The following UGT1A5 variants were observed in gnomAD, a reference collection of about 807,000 sequenced individuals.
UGT1A5 encodes the protein UDP glucuronosyltransferase family 1 member A5.
In UGT1A5, 29 loss-of-function variants were observed where a neutral mutation model predicts 40.3. The observed-to-expected ratio is 0.72, with a 90% CI of 0.54 to 0.98. UGT1A5 has a LOEUF of 0.98. Ranked by LOEUF, UGT1A5 falls within the 50% of genes least tolerant of loss-of-function variation. The pLI is 0.00. For synonymous variants in UGT1A5, 257 were observed against 262.5 expected (o/e 0.98, Z 0.20); for missense variants, 678 against 677.9 (o/e 1.00, Z 0.00).
In UGT1A5 at chr2:233,756,140, C is replaced by T. The variant is rs565288729; in HGVS notation, c.868-10894C>T. 16 of 152,332 alleles carry T rather than the reference C, an allele frequency of 1.1e-4. No homozygotes were observed. The East Asian group carries it at 1.3e-3, about 13-fold the overall frequency. 9.4% of individuals were successfully genotyped at this position (152,332 alleles called of 1,614,324 possible). On this transcript the variant is annotated intron_variant, in intron 1 of 4. Coordinates refer to ENST00000373414, the MANE Select transcript of UGT1A5 (RefSeq NM_019078.2). ...TTTGTAAAATTCTCCTGAAAAATTA[C>T]TGGGGATCCCTAGGATTTCCTGGCT...
rs34642976 is a variant in UGT1A5 at position 233,765,194 on chromosome 2, T to A, written c.868-1840T>A. Among the ~76,000 whole-genome samples, 4 of 152,300 alleles carry A rather than the reference T, an allele frequency of 2.6e-5. No homozygotes were observed. The East Asian group carries it at 7.7e-4, about 29-fold the overall frequency. On this transcript the variant is annotated intron_variant, in intron 1 of 4. Transcript: ENST00000373414. ...CAAGCCCTGCCACATCACACAATCA[T>A]ATTAGTGCCCTCAGTATTCTTTGCA...
At chr2:233,759,343 G>A (rs548174363) in intron 1 of UGT1A5, among the ~76,000 whole-genome samples, 89 of 152,214 alleles carry the variant, frequency 5.8e-4, no homozygotes, top group Non-Finnish European at 1.2e-3. Context: ...TCAGGTGAGC[G>A]CTGAAAATCT....
At chr2:233,729,598 G>C (rs775320084) in intron 1 of UGT1A5, 2 of 1,613,984 alleles carry the variant, frequency 1.2e-6, no homozygotes, top group South Asian at 2.2e-5. Flanking sequence ...TAACCTCTGC[G>C]CGGCAGTGCT....
chr2:233,728,446 A>G (rs1222950362), intron 1 of UGT1A5, among the ~76,000 whole-genome samples: 1 of 152,128 alleles, frequency 6.6e-6, no homozygotes, highest in African/African-American at 2.4e-5. Context: ...TATATGGAGA[A>G]TCCTCAACAA....
At position 233,729,401 on chromosome 2, in the gene UGT1A5, A is replaced by T. The variant is rs1464724125; in HGVS notation, c.867+15543A>T. Reference sequence around the variant, plus strand: ...TGGACCCAGGATGAATTTGATCGCCATGTGCTGGGCCACACTCAACTGTAC... The same window carrying T: ...TGGACCCAGGATGAATTTGATCGCCTTGTGCTGGGCCACACTCAACTGTAC... On this transcript the variant is annotated intron_variant, in intron 1 of 4. Coordinates refer to ENST00000373414, the MANE Select transcript of UGT1A5 (RefSeq NM_019078.2). 4.3e-6 allele frequency: 7 copies of T among 1,613,850 alleles called. No individual in the cohort carries two copies. Among genetic ancestry groups the T allele is most frequent in the East Asian group, 2.2e-5 (1 of 44,882 alleles).
chr2:233,754,737 G>A lies in UGT1A5; in HGVS notation c.868-12297G>A, dbSNP rs1218911837. 3 of 665,250 alleles carry A rather than the reference G, an allele frequency of 4.5e-6. No homozygotes were observed. In the East Asian group the frequency reaches 2.0e-4, roughly 44 times the overall value. The allele number at this position is 665,250 out of a possible 1,614,324, so 41.2% of individuals were successfully genotyped here. A position where few individuals can be genotyped will look rare whatever the true frequency, so the allele number is the denominator to read the frequency against. On this transcript the variant is annotated intron_variant, in intron 1 of 4. Transcript: ENST00000373414. Reference sequence around the variant, plus strand: ...GCTGCCTGTCCCATCACTACCGTAGGACATGCAGAAGGAAGAAAGGCCCCC... The same window carrying A: ...GCTGCCTGTCCCATCACTACCGTAGAACATGCAGAAGGAAGAAAGGCCCCC...
rs751408172 is a variant in UGT1A5, at chr2:233,768,227, G to C, written c.1095G>C (p.Pro365=). Residue 365 remains proline, a synonymous_variant, in exon 4 of 5, where the codon CCG becomes CCC. Coordinates refer to ENST00000373414, the MANE Select transcript of UGT1A5 (RefSeq NM_019078.2). ...CCCTATTTTGCATCTCAGGTCACCCGATGACCCGTGCCTTTATCACCCATG... is the reference window on the plus strand; with the variant it reads ...CCCTATTTTGCATCTCAGGTCACCCCATGACCCGTGCCTTTATCACCCATG... ...WLPQNDLLGH[P]MTRAFITHAG... The C allele has an allele frequency of 5.0e-6, 8 of 1,614,014 alleles. No homozygotes were observed. The African/African-American group carries it at 8.0e-5, about 16-fold the overall frequency.
intron 1 of UGT1A5, among the ~76,000 whole-genome samples, chr2:233,736,967 T>A (rs2078831080): frequency 6.6e-6 from 1 of 151,890 alleles, no homozygotes; most frequent in African/African-American, 2.4e-5. Context: ...TACTGGGAGG[T>A]GTTTCCCAGT....
intron 1 of UGT1A5, among the ~76,000 whole-genome samples, chr2:233,736,159 G>C (rs1376053272): frequency 6.6e-6 from 1 of 152,194 alleles, no homozygotes; most frequent in Non-Finnish European, 1.5e-5. Context: ...GTCAAACGTA[G>C]ATTTGGTCTT....
chr2:233,742,047 G>C (rs371861111), intron 1 of UGT1A5: 6 of 152,052 alleles, frequency 3.9e-5, no homozygotes, highest in South Asian at 4.1e-4. Context: ...CATAGCAATA[G>C]GATAGTTCTG....
At chr2:233,738,133 A>G (rs1397029261) in intron 1 of UGT1A5, among the ~76,000 whole-genome samples, 2 of 152,126 alleles carry the variant, frequency 1.3e-5, no homozygotes, top group African/African-American at 2.4e-5. Flanking sequence ...AGGGGCCCTT[A>G]TCCCTTCACT....
chr2:233,757,560 A>ATATATATATG (rs904896556), intron 1 of UGT1A5, among the ~76,000 whole-genome samples: 18 of 123,146 alleles, frequency 1.5e-4, no homozygotes, highest in African/African-American at 6.1e-4. Flanking sequence ...ATATATATAT[A>ATATATATATG]TGTATATATG....
At position 233,725,271 on chromosome 2, in the gene UGT1A5, GAGGCAGAGGCAGAGGCA is replaced by G. The variant is rs1559370545; in HGVS notation, c.867+11414_867+11430del. ...AGAGGAGGCAGAGGCAGAGGAGGCAGAGGCAGAGGCAGAGGCAGAGGCAGAGGCAGAGGCAGAGGCAG... is the reference window on the plus strand; with the variant it reads ...AGAGGAGGCAGAGGCAGAGGAGGCAGGAGGCAGAGGCAGAGGCAGAGGCAG... On this transcript the variant is annotated intron_variant, in intron 1 of 4. Coordinates refer to ENST00000373414, the MANE Select transcript of UGT1A5 (RefSeq NM_019078.2). 2.2e-4 allele frequency among the ~76,000 whole-genome samples: 9 copies of G among 41,180 alleles called. 2 individuals are homozygous for G. The East Asian group carries it at 5.2e-3, about 24-fold the overall frequency. 27.0% of individuals were successfully genotyped at this position (41,180 alleles called of 152,430 possible). A position where few individuals can be genotyped will look rare whatever the true frequency, so the allele number is the denominator to read the frequency against.
intron 2 of UGT1A5, among the ~76,000 whole-genome samples, chr2:233,767,609 C>G (rs1559414231): frequency 6.6e-6 from 1 of 152,118 alleles, no homozygotes; most frequent in Admixed American, 6.6e-5. Flanking sequence ...TGAAAAAATC[C>G]TAAGTGCACA....
At chr2:233,762,313 T>A (rs1035982374) in intron 1 of UGT1A5, among the ~76,000 whole-genome samples, 5 of 152,234 alleles carry the variant, frequency 3.3e-5, no homozygotes, top group Admixed American at 3.3e-4. Context: ...AGTTAATGGG[T>A]CGAGAGTAAT....
At chr2:233,747,217 G>T in intron 1 of UGT1A5, 3 of 1,605,392 alleles carry the variant, frequency 1.9e-6, no homozygotes, top group Non-Finnish European at 1.7e-6. Flanking sequence ...TGCTGAGATG[G>T]CCACAGGACC....
chr2:233,747,449 C>G (rs1200553651), intron 1 of UGT1A5: 3 of 1,608,916 alleles, frequency 1.9e-6, no homozygotes, highest in Non-Finnish European at 2.6e-6. Flanking sequence ...CCCTGACAAC[C>G]TATGCCATTT....
At chr2:233,766,573 T>A (rs1699187468) in intron 1 of UGT1A5, among the ~76,000 whole-genome samples, 1 of 152,150 alleles carries the variant, frequency 6.6e-6, no homozygotes, top group Non-Finnish European at 1.5e-5. Context: ...TGGGCACAGG[T>A]CTGGGGGTGG....
chr2:233,767,319 T>G (rs928023163), intron 2 of UGT1A5, among the ~76,000 whole-genome samples, 154 bp downstream of exon 2: 1 of 152,210 alleles, frequency 6.6e-6, no homozygotes, highest in African/African-American at 2.4e-5. Flanking sequence ...TTTTTGTTGT[T>G]GTGGTTGTTG....
Sources: allele counts gnomAD v4.1 joint callset (sites outside exome capture counted in the v4.1 genomes callset), GRCh38; gene constraint gnomAD v4.1.1; transcripts MANE v1.5; gene names NCBI Gene and HGNC (gene_info 2026-07-23, HGNC 2026-07-21).